The following RBFOX1 variants were observed in gnomAD, a reference collection of about 807,000 sequenced individuals.
RBFOX1 encodes the protein RNA binding fox-1 homolog 1, also known as RNA binding protein fox-1 homolog 1.
Under a neutral mutation model 57.7 loss-of-function variants are expected in RBFOX1, and 8 were observed. That is an observed-to-expected ratio of 0.14 (90% confidence interval 0.08 to 0.25). The LOEUF (loss-of-function observed/expected upper bound fraction) is 0.25. Ranked by LOEUF, RBFOX1 falls within the 10% of genes least tolerant of loss-of-function variation. RBFOX1 has a pLI of 1.00. For synonymous variants in RBFOX1, 326 were observed against 222.4 expected (o/e 1.47, Z -4.15); for missense variants, 611 against 548.5 (o/e 1.11, Z -1.14).
intron 4 of RBFOX1, among the ~76,000 whole-genome samples, chr16:7,277,982 T>G (rs769087186): frequency 6.6e-6 from 1 of 152,008 alleles, no homozygotes; most frequent in Non-Finnish European, 1.5e-5. Context: ...ACATTAATAT[T>G]TTATTGAAAA....
At chr16:6,806,855 A>G (rs1202365743) in intron 3 of RBFOX1, among the ~76,000 whole-genome samples, 3 of 47,672 alleles carry the variant, frequency 6.3e-5, no homozygotes, top group Admixed American at 2.4e-4. Flanking sequence ...TTTTTTTGAG[A>G]GAAAGTCTTG....
chr16:6,798,721 C>A (rs1272889745), intron 3 of RBFOX1, among the ~76,000 whole-genome samples: 2 of 152,020 alleles, frequency 1.3e-5, no homozygotes, highest in East Asian at 1.9e-4. Context: ...TATTTATACA[C>A]CCAAGATAAT....
chr16:7,484,579 C>T (rs2064887596), intron 4 of RBFOX1, among the ~76,000 whole-genome samples: 1 of 152,208 alleles, frequency 6.6e-6, no homozygotes, highest in Non-Finnish European at 1.5e-5. Context: ...TCTCCTACCT[C>T]AGCCTCTTGA....
intron 2 of RBFOX1, among the ~76,000 whole-genome samples, chr16:5,588,469 G>A (rs137902927): frequency 2.0e-5 from 3 of 152,158 alleles, no homozygotes; most frequent in African/African-American, 4.8e-5. Flanking sequence ...TAGTAAATGC[G>A]CAATTAAGTA....
At chr16:5,893,661 C>T (rs2058095260) in intron 4 of RBFOX1, among the ~76,000 whole-genome samples, 1 of 152,176 alleles carries the variant, frequency 6.6e-6, no homozygotes, top group South Asian at 2.1e-4. Context: ...AAAAAATTAG[C>T]TGGGCGTGGT....
intron 4 of RBFOX1, among the ~76,000 whole-genome samples, chr16:7,242,092 G>T (rs957355010): frequency 1.3e-5 from 2 of 151,996 alleles, no homozygotes; most frequent in African/African-American, 4.8e-5. Context: ...AAGTCACCAG[G>T]AATTTCCAAA....
chr16:5,625,848 G>A (rs140814314), intron 3 of RBFOX1, among the ~76,000 whole-genome samples: 3 of 149,502 alleles, frequency 2.0e-5, no homozygotes, highest in Non-Finnish European at 4.4e-5. Flanking sequence ...GTGAGCCACC[G>A]TGTCCAGCCC....
At chr16:5,768,448 C>T (rs1194199461) in intron 3 of RBFOX1, among the ~76,000 whole-genome samples, 1 of 152,184 alleles carries the variant, frequency 6.6e-6, no homozygotes, top group East Asian at 1.9e-4. Flanking sequence ...CTTGTTTCCC[C>T]ACCTTCCACG....
chr16:6,725,694 A>G (rs2067023664), intron 3 of RBFOX1, among the ~76,000 whole-genome samples: 1 of 152,168 alleles, frequency 6.6e-6, no homozygotes, highest in African/African-American at 2.4e-5. Flanking sequence ...AAGAGTTCAG[A>G]TTAGTTCTTC....
intron 2 of RBFOX1, among the ~76,000 whole-genome samples, chr16:6,603,035 A>C (rs1212254016): frequency 1.3e-5 from 2 of 152,348 alleles, no homozygotes; most frequent in South Asian, 2.1e-4. Flanking sequence ...TATTTCAGTA[A>C]GTATTTACTG....
intron 3 of RBFOX1, among the ~76,000 whole-genome samples, chr16:7,007,904 C>G (rs1258553042): frequency 6.6e-6 from 1 of 152,162 alleles, no homozygotes; most frequent in Non-Finnish European, 1.5e-5. Context: ...GCTGTCTCCT[C>G]AAGCTTGCTA....
chr16:6,448,436 C>T (rs769673612), intron 2 of RBFOX1, among the ~76,000 whole-genome samples: 12 of 152,072 alleles, frequency 7.9e-5, no homozygotes, highest in Non-Finnish European at 1.3e-4. Context: ...GGATTACAGA[C>T]GTGAGCCACT....
chr16:6,073,575 G>A (rs11641154), intron 1 of RBFOX1, among the ~76,000 whole-genome samples: 32,542 of 152,104 alleles, frequency 0.21, 4,422 homozygotes, highest in Non-Finnish European at 0.3. Flanking sequence ...GCTTTAGAAC[G>A]TAATACACTT....
intron 4 of RBFOX1, among the ~76,000 whole-genome samples, chr16:5,937,697 T>C (rs1357278153): frequency 6.7e-6 from 1 of 149,662 alleles, no homozygotes; most frequent in Non-Finnish European, 1.5e-5. Context: ...TACATATTTA[T>C]ATGTAAGTAG....
intron 3 of RBFOX1, among the ~76,000 whole-genome samples, chr16:5,723,061 C>G (rs2051996005): frequency 6.6e-6 from 1 of 152,224 alleles, no homozygotes; most frequent in Non-Finnish European, 1.5e-5. Context: ...CTTTCCTAAT[C>G]TCCAGCAGCC....
At chr16:6,955,350 A>G (rs1040637468) in intron 3 of RBFOX1, among the ~76,000 whole-genome samples, 1 of 99,584 alleles carries the variant, frequency 1.0e-5, no homozygotes, top group Admixed American at 9.1e-5. Flanking sequence ...CCACATATGC[A>G]CACACACACA....
At chr16:5,725,603 T>TTTCTATCATCA (rs1346045950) in intron 3 of RBFOX1, among the ~76,000 whole-genome samples, 1 of 151,366 alleles carries the variant, frequency 6.6e-6, no homozygotes, top group Non-Finnish European at 1.5e-5. Context: ...GCTCTCTCTG[T>TTTCTATCATCA]AGCCCTTCTG....
rs532917183 is a variant in RBFOX1 at position 6,770,755 on chromosome 16, C to T, written c.-16+116105C>T. ...CTGAGCTGTACCTGCTGGATTCATT[C>T]TTCTTGTCTCCCCAGTTGGGAAGTT... On this transcript the variant is annotated intron_variant, in intron 3 of 15. Transcript: ENST00000550418. Among the ~76,000 whole-genome samples the T allele has an allele frequency of 3.3e-5, 5 of 152,264 alleles. No individual in the cohort carries two copies. In the East Asian group the frequency reaches 9.7e-4, roughly 29 times the overall value.
At chr16:5,507,290 C>T (rs1389375756) in intron 2 of RBFOX1, among the ~76,000 whole-genome samples, 2 of 151,994 alleles carry the variant, frequency 1.3e-5, no homozygotes, top group African/African-American at 2.4e-5. Flanking sequence ...AGATGGTTTC[C>T]TTTATTTGTT....
Sources: gnomAD v4.1 joint callset for allele counts (sites outside exome capture counted in the v4.1 genomes callset) on GRCh38, gnomAD v4.1.1 for gene constraint, MANE v1.5 for transcripts, NCBI Gene and HGNC (gene_info 2026-07-23, HGNC 2026-07-21) for gene names.